TRIM44: variants seen among roughly 807,000 people sequenced by gnomAD.
TRIM44 encodes tripartite motif-containing protein 44.
Under a neutral mutation model 37.4 loss-of-function variants are expected in TRIM44, and 13 were observed. The ratio of observed to expected loss-of-function variants is 0.35; its 90% confidence interval spans 0.23 to 0.55. TRIM44 has a LOEUF of 0.55. TRIM44 is among the 20% of genes least tolerant of loss of function. TRIM44 has a pLI of 0.89. For missense variants in TRIM44, 426 were observed against 437.2 expected, an observed-to-expected ratio of 0.97 and a Z score of 0.23; for synonymous variants, 175 against 157.2, an observed-to-expected ratio of 1.11 and a Z score of -0.85.
rs1000474698 is a variant in TRIM44 at position 35,812,464 on chromosome 11, T to A, written c.*6079T>A. The A allele has an allele frequency of 4.6e-5, 7 of 152,190 alleles. No individual in the cohort carries two copies. Among genetic ancestry groups the A allele is most frequent in the Admixed American group, 3.9e-4 (6 of 15,280 alleles). 9.4% of individuals were successfully genotyped at this position (152,190 alleles called of 1,614,324 possible). On this transcript the variant is annotated 3_prime_UTR_variant, in exon 5 of 5. Transcript: ENST00000299413. ...CACTTAGCTCTTTCTCTGGGCCAGG[T>A]ACTCTCCTGTTGTTTTTCACATTAT...
At chr11:35,724,924 A>G (rs1313941859) in intron 2 of TRIM44, among the ~76,000 whole-genome samples, 1 of 152,224 alleles carries the variant, frequency 6.6e-6, no homozygotes, top group Non-Finnish European at 1.5e-5. Flanking sequence ...GTGGCTCTAA[A>G]CATCTTTAAA....
rs561586758 is a variant in TRIM44 at position 35,762,138 on chromosome 11, T to C, written c.1007+26693T>C. Among the ~76,000 whole-genome samples the C allele has an allele frequency of 2.0e-5, 3 of 152,340 alleles. No individual in the cohort carries two copies. The South Asian group carries it at 6.2e-4, about 32-fold the overall frequency. On this transcript the variant is annotated intron_variant, in intron 4 of 4. Transcript: ENST00000299413. The stretch of plus-strand genomic sequence containing the variant: ...GCCAGTGACCGTGCAGGCTGCTCTC[T>C]GGAAAAGCAGGGTGTGAATGCAAAT...
chr11:35,675,488 G>A (rs571491485), intron 1 of TRIM44, among the ~76,000 whole-genome samples: 1 of 152,258 alleles, frequency 6.6e-6, no homozygotes, highest in South Asian at 2.1e-4. Flanking sequence ...CAAGATGACT[G>A]CTGGAGGTCC....
Position 35,787,805 on chromosome 11 carries a change from C to T in TRIM44, c.1008-18553C>T, listed in dbSNP as rs539569255. Among the ~76,000 whole-genome samples, 34 of 152,300 alleles carry T rather than the reference C, an allele frequency of 2.2e-4. No individual in the cohort carries two copies. In the South Asian group the frequency reaches 6.2e-3, roughly 28 times the overall value. On this transcript the variant is annotated intron_variant, in intron 4 of 4. Transcript: ENST00000299413. The stretch of plus-strand genomic sequence containing the variant: ...GCCTTGTGCCCAATCTTTTGTGACC[C>T]GCCTGAACCTTATGGGCATATCCCC...
In TRIM44 at chr11:35,677,515, T is replaced by G. The variant is rs181218398; in HGVS notation, c.670-7744T>G. 2.6e-3 allele frequency among the ~76,000 whole-genome samples: 397 copies of G among 152,210 alleles called. 3 individuals are homozygous for G. The highest frequency in any genetic ancestry group is 9.0e-3 in the African/African-American group (374 of 41,554). The stretch of plus-strand genomic sequence containing the variant: ...TTTAATTAATAATAACAACAGAAAT[T>G]ATAACTAACATTTATTGAGAACTTA... On this transcript the variant is annotated intron_variant, in intron 1 of 4. Coordinates refer to ENST00000299413, the MANE Select transcript of TRIM44 (RefSeq NM_017583.6).
intron 1 of TRIM44, among the ~76,000 whole-genome samples, chr11:35,682,364 T>C (rs906070658): frequency 2.0e-5 from 3 of 151,998 alleles, no homozygotes; most frequent in Admixed American, 6.6e-5. Flanking sequence ...ACAAGGCCCC[T>C]TGGGGTGCAG....
intron 4 of TRIM44, among the ~76,000 whole-genome samples, chr11:35,760,607 G>A (rs955771217): frequency 6.6e-6 from 1 of 152,156 alleles, no homozygotes; most frequent in Non-Finnish European, 1.5e-5. Context: ...GCTGTAGACT[G>A]GAACTGTTCC....
intron 2 of TRIM44, among the ~76,000 whole-genome samples, chr11:35,690,346 CCT>C (rs2135493546): frequency 6.6e-6 from 1 of 152,244 alleles, no homozygotes; most frequent in South Asian, 2.1e-4. Flanking sequence ...ACAGCCTAGT[CCT>C]TCACTCTTCT....
At chr11:35,799,318 G>C (rs1410832722) in intron 4 of TRIM44, among the ~76,000 whole-genome samples, 1 of 152,238 alleles carries the variant, frequency 6.6e-6, no homozygotes, top group African/African-American at 2.4e-5. Flanking sequence ...ACTGTGGTCA[G>C]AGTGTGGGCC....
intron 4 of TRIM44, among the ~76,000 whole-genome samples, chr11:35,744,402 A>T (rs2090360185): frequency 1.3e-5 from 2 of 152,228 alleles, no homozygotes; most frequent in South Asian, 4.1e-4. Context: ...AGCTTTACGT[A>T]ATTGTTCCAC....
In TRIM44 at chr11:35,780,984, A is replaced by G. The variant is rs531476603; in HGVS notation, c.1008-25374A>G. Among the ~76,000 whole-genome samples the G allele has an allele frequency of 1.4e-4, 21 of 152,262 alleles. No individual in the cohort carries two copies. In the South Asian group the frequency reaches 4.1e-3, roughly 30 times the overall value. Reference sequence around the variant, plus strand: ...TCTAGTGGGAAGAGCTAGACAAAAAAACTAATAAACCACTAAATGAAGAAA... The same window carrying G: ...TCTAGTGGGAAGAGCTAGACAAAAAGACTAATAAACCACTAAATGAAGAAA... On this transcript the variant is annotated intron_variant, in intron 4 of 4. Coordinates refer to ENST00000299413, the MANE Select transcript of TRIM44 (RefSeq NM_017583.6).
At chr11:35,667,425 A>G (rs908527509) in intron 1 of TRIM44, among the ~76,000 whole-genome samples, 1 of 152,216 alleles carries the variant, frequency 6.6e-6, no homozygotes, top group African/African-American at 2.4e-5. Flanking sequence ...GCTGGAATGC[A>G]GTGGTGGGAG....
At chr11:35,692,030 C>T (rs973281464) in intron 2 of TRIM44, among the ~76,000 whole-genome samples, 4 of 152,062 alleles carry the variant, frequency 2.6e-5, no homozygotes, top group African/African-American at 9.7e-5. Flanking sequence ...ACGTTTGCAC[C>T]ATCATAAAGT....
intron 4 of TRIM44, among the ~76,000 whole-genome samples, chr11:35,759,167 A>G (rs1298936866): frequency 6.6e-6 from 1 of 152,174 alleles, no homozygotes; most frequent in East Asian, 1.9e-4. Flanking sequence ...CTTTTCACAT[A>G]GTCCCATATT....
intron 4 of TRIM44, among the ~76,000 whole-genome samples, chr11:35,775,507 T>A (rs142205121): frequency 0.013 from 1,965 of 152,334 alleles, 46 homozygotes; most frequent in African/African-American, 0.045. Context: ...CAGCACTATG[T>A]TGAATAGGAG....
chr11:35,776,894 A>C (rs573656086), intron 4 of TRIM44, among the ~76,000 whole-genome samples: 303 of 152,342 alleles, frequency 2.0e-3, no homozygotes, highest in Non-Finnish European at 3.5e-3. Flanking sequence ...CAATTTTGGA[A>C]TAAGTGCGAT....
intron 4 of TRIM44, among the ~76,000 whole-genome samples, chr11:35,754,805 T>G (rs1302862346): frequency 1.3e-5 from 2 of 152,172 alleles, no homozygotes; most frequent in African/African-American, 2.4e-5. Context: ...GTTTCCAGCT[T>G]CATCCATGTC....
chr11:35,750,651 T>C (rs906482031), intron 4 of TRIM44, among the ~76,000 whole-genome samples: 6 of 152,192 alleles, frequency 3.9e-5, no homozygotes, highest in African/African-American at 1.2e-4. Context: ...CCTCAAGATA[T>C]ACTATGATGC....
At chr11:35,740,472 A>G (rs1202121307) in intron 4 of TRIM44, among the ~76,000 whole-genome samples, 3 of 152,082 alleles carry the variant, frequency 2.0e-5, no homozygotes, top group African/African-American at 7.2e-5. Context: ...CTAAGAGGAA[A>G]ATGGCTTTTT....
Sources: allele counts gnomAD v4.1 joint callset (sites outside exome capture counted in the v4.1 genomes callset), GRCh38; gene constraint gnomAD v4.1.1; transcripts MANE v1.5; gene names NCBI Gene and HGNC (gene_info 2026-07-23, HGNC 2026-07-21).